MAP3K10: variants seen among roughly 807,000 people sequenced by gnomAD.
MAP3K10 encodes the protein mitogen-activated protein kinase kinase kinase 10.
MAP3K10 carries 22 observed loss-of-function variants against 75.0 expected under a neutral mutation model. The ratio of observed to expected loss-of-function variants is 0.29; its 90% confidence interval spans 0.21 to 0.42. The LOEUF (loss-of-function observed/expected upper bound fraction) is 0.42, where lower values mean the gene tolerates loss of function less well. Ranked by LOEUF, MAP3K10 falls within the 10% of genes least tolerant of loss-of-function variation. The pLI, the probability that MAP3K10 is intolerant of heterozygous loss-of-function variation, is 1.00. For synonymous variants in MAP3K10, 599 were observed against 612.9 expected (o/e 0.98, Z 0.34); for missense variants, 1,165 against 1,379.8 (o/e 0.84, Z 2.47).
chr19:40,213,790 G>T lies in MAP3K10; in HGVS notation c.2111G>T (p.Arg704Leu). 1 of 1,253,270 alleles carries T rather than the reference G, an allele frequency of 8.0e-7. No homozygotes were observed. The highest frequency in any genetic ancestry group is 1.9e-5 in the South Asian group (1 of 52,184). The allele number at this position is 1,253,270 out of a possible 1,614,324, so 77.6% of individuals were successfully genotyped here. ...GCGGCCGACGGTGAGGAGCAGCGGC[G>T]CTGGCTCGACGGCCTCTTCTTTCCC... ...ARAADGEEQRRWLDGLFFPRA... is the reference protein window; with the variant it reads ...ARAADGEEQRLWLDGLFFPRA... Residue 704 changes from arginine (R) to leucine (L), a missense_variant, in exon 9 of 10, where the codon CGC (arginine) becomes CTC (leucine). By Grantham distance (102) the Arg-to-Leu change is moderately radical. Transcript: ENST00000253055. The surrounding 1 kb of genome is among the most constrained non-coding windows in gnomAD (Gnocchi z 5.7).
rs774028501 is a variant in MAP3K10 at position 40,213,152 on chromosome 19, C to T, written c.1801C>T (p.Pro601Ser). The change falls in exon 8 of 10, where the codon CCC becomes TCC. Residue 601 changes from proline (P) to serine (S), a missense_variant. Coordinates refer to ENST00000253055, the MANE Select transcript of MAP3K10 (RefSeq NM_002446.4). This position sits in a 1 kb window ranked among gnomAD's most constrained non-coding sequence, Gnocchi z 5.7. Reference sequence around the variant, plus strand: ...CCTGGGCAAGTCCCCCAAACACACACCCATCGCCCCTGGCTTTGCCAGCCT... The same window carrying T: ...CCTGGGCAAGTCCCCCAAACACACATCCATCGCCCCTGGCTTTGCCAGCCT... ...PNLGKSPKHT[P>S]IAPGFASLNE... 7 of 1,596,396 alleles carry T rather than the reference C, an allele frequency of 4.4e-6. 1 individual carries two copies. In the South Asian group the frequency reaches 8.0e-5, roughly 18 times the overall value.
intron 6 of MAP3K10, among the ~76,000 whole-genome samples, chr19:40,211,540 C>G (rs1973241189): frequency 6.6e-6 from 1 of 151,254 alleles, no homozygotes; most frequent in South Asian, 2.1e-4. Context: ...ACCCTACCCC[C>G]CAACAGGCCC....
At chr19:40,193,459 G>A (rs1972853281) in intron 1 of MAP3K10, among the ~76,000 whole-genome samples, 1 of 152,244 alleles carries the variant, frequency 6.6e-6, no homozygotes, top group Non-Finnish European at 1.5e-5. Context: ...GAGCCAGGTA[G>A]AAGGGAACAT....
intron 2 of MAP3K10, among the ~76,000 whole-genome samples, chr19:40,199,807 C>A (rs544281354): frequency 2.0e-5 from 3 of 151,620 alleles, no homozygotes; most frequent in African/African-American, 7.3e-5. Context: ...TGTAGTGAGA[C>A]CCCATGTATA....
At position 40,192,316 on chromosome 19, in the gene MAP3K10, C is replaced by A. The variant is rs1341869847; in HGVS notation, c.285C>A (p.Phe95Leu). 2.2e-5 allele frequency: 36 copies of A among 1,608,026 alleles called. No individual in the cohort carries two copies. The highest frequency in any genetic ancestry group is 2.9e-5 in the Non-Finnish European group (34 of 1,177,944). ...TCCAGCTGCCCCAGGAGATCCCCTT[C>A]CACGAGCTGCAGCTAGAGGAGATCA... The part of the protein sequence containing the change: ...AGLQLPQEIP[F>L]HELQLEEIIG... The change falls in exon 1 of 10, where the codon TTC becomes TTA. Residue 95 changes from phenylalanine (F) to leucine (L), a missense_variant. Coordinates refer to ENST00000253055, the MANE Select transcript of MAP3K10 (RefSeq NM_002446.4). The surrounding 1 kb of genome is among the most constrained non-coding windows in gnomAD (Gnocchi z 7.1).
Position 40,205,599 on chromosome 19 carries a change from G to A in MAP3K10, c.1188+303G>A, listed in dbSNP as rs190778822. ...GGGGATACAAGATTCGCAAAGCATA[G>A]GTAATTGTTGAAATTGGATGATGGG... is the stretch of plus-strand genomic sequence containing the variant. On this transcript the variant is annotated intron_variant, in intron 4 of 9. Coordinates refer to ENST00000253055, the MANE Select transcript of MAP3K10 (RefSeq NM_002446.4). The surrounding 1 kb of genome is among the most constrained non-coding windows in gnomAD (Gnocchi z 4.3). 9.1e-5 allele frequency: 49 copies of A among 536,928 alleles called. No individual in the cohort carries two copies. In the East Asian group the frequency reaches 1.4e-3, roughly 16 times the overall value. The allele number at this position is 536,928 out of a possible 1,614,324, so 33.3% of individuals were successfully genotyped here. A position where few individuals can be genotyped will look rare whatever the true frequency, so the allele number is the denominator to read the frequency against.
At position 40,212,660 on chromosome 19, in the gene MAP3K10, T is replaced by C. The variant is rs1165091204; in HGVS notation, c.1553-145T>C. 8.2e-6 allele frequency: 8 copies of C among 977,502 alleles called. No homozygotes were observed. The highest frequency in any genetic ancestry group is 1.0e-5 in the Non-Finnish European group (7 of 666,826). 60.6% of individuals were successfully genotyped at this position (977,502 alleles called of 1,614,324 possible). A position where few individuals can be genotyped will look rare whatever the true frequency, so the allele number is the denominator to read the frequency against. ...AGCAGTAGGGGGCTATGGGGAGATA[T>C]ATAGCAGGGAGGGTCATGACTGGAG... On this transcript the variant is annotated intron_variant, in intron 6 of 9. Transcript: ENST00000253055. The surrounding 1 kb of genome is among the most constrained non-coding windows in gnomAD (Gnocchi z 4.2).
chr19:40,197,817 G>T lies in MAP3K10; in HGVS notation c.683-558G>T, dbSNP rs571164851. 2.0e-5 allele frequency among the ~76,000 whole-genome samples: 3 copies of T among 150,968 alleles called. No individual in the cohort carries two copies. In the South Asian group the frequency reaches 6.4e-4, roughly 32 times the overall value. On this transcript the variant is annotated intron_variant, in intron 1 of 9. Transcript: ENST00000253055. ...GGTAGCTGGGAACTCAAGGCCTGGA[G>T]GACTAAGGCCTTGGCTGTTGTTTCT...
At position 40,205,036 on chromosome 19, in the gene MAP3K10, G is replaced by T; in HGVS notation, c.1013-85G>T. ...TTTGTCTGCCATCCCCAGAAATTCT[G>T]CCTTCCTCTGAGCAGGCTGAGTCCC... On this transcript the variant is annotated intron_variant, in intron 3 of 9. Transcript: ENST00000253055. The surrounding 1 kb of genome is among the most constrained non-coding windows in gnomAD (Gnocchi z 4.3). The T allele has an allele frequency of 1.6e-6, 2 of 1,256,876 alleles. No individual in the cohort carries two copies. Among genetic ancestry groups the T allele is most frequent in the South Asian group, 1.3e-5 (1 of 77,694 alleles). The allele number at this position is 1,256,876 out of a possible 1,614,324, so 77.9% of individuals were successfully genotyped here. A position where few individuals can be genotyped will look rare whatever the true frequency, so the allele number is the denominator to read the frequency against.
chr19:40,198,615 G>A lies in MAP3K10; in HGVS notation c.863+60G>A, dbSNP rs1247420040. 6.6e-6 allele frequency: 10 copies of A among 1,506,284 alleles called. No homozygotes were observed. The highest frequency in any genetic ancestry group is 5.5e-5 in the African/African-American group (4 of 72,196). The allele number at this position is 1,506,284 out of a possible 1,614,324, so 93.3% of individuals were successfully genotyped here. A position where few individuals can be genotyped will look rare whatever the true frequency, so the allele number is the denominator to read the frequency against. ...AGTAAGGGAGGGAGGAAGGGGTGAGGGCAGAGTGGGAGGGAGGGTCTCCTG... is the reference window on the plus strand; with the variant it reads ...AGTAAGGGAGGGAGGAAGGGGTGAGAGCAGAGTGGGAGGGAGGGTCTCCTG... On this transcript the variant is annotated intron_variant, in intron 2 of 9. Transcript: ENST00000253055. The surrounding 1 kb of genome is among the most constrained non-coding windows in gnomAD (Gnocchi z 4.3).
In MAP3K10 at chr19:40,204,716, A is replaced by G; in HGVS notation, c.1012+83A>G. 6.7e-7 allele frequency: 1 copy of G among 1,488,232 alleles called. No homozygotes were observed. The highest frequency in any genetic ancestry group is 1.4e-5 in the African/African-American group (1 of 72,280). The allele number at this position is 1,488,232 out of a possible 1,614,324, so 92.2% of individuals were successfully genotyped here. On this transcript the variant is annotated intron_variant, in intron 3 of 9. Transcript: ENST00000253055. This position sits in a 1 kb window ranked among gnomAD's most constrained non-coding sequence, Gnocchi z 4.3. ...GCCCAGACCTTTCCCCTTCACACCT[A>G]TCCATACCAGTGGGCCCAGGAGTGA...
In MAP3K10 at chr19:40,215,364, C is replaced by A; in HGVS notation, c.*72C>A. On this transcript the variant is annotated 3_prime_UTR_variant, in exon 10 of 10. Transcript: ENST00000253055. ...CAGGCCCTGCCCCAGCCCGCCATGC[C>A]ACAAGGTGGGGGAGGCCCTGGGCAG... is the stretch of plus-strand genomic sequence containing the variant. 1 of 1,383,598 alleles carries A rather than the reference C, an allele frequency of 7.2e-7. No individual in the cohort carries two copies. The highest frequency in any genetic ancestry group is 9.8e-7 in the Non-Finnish European group (1 of 1,020,890). The allele number at this position is 1,383,598 out of a possible 1,614,324, so 85.7% of individuals were successfully genotyped here.
In MAP3K10 at chr19:40,204,991, C is replaced by T. The variant is rs1973090547; in HGVS notation, c.1013-130C>T. On this transcript the variant is annotated intron_variant, in intron 3 of 9. Transcript: ENST00000253055. This position sits in a 1 kb window ranked among gnomAD's most constrained non-coding sequence, Gnocchi z 4.3. ...AGGAGCTTGGCTTTGAATCCCTTCC[C>T]CTCAGCTCCATAGCAGCTGTTTGTC... The T allele has an allele frequency of 1.2e-6, 1 of 856,714 alleles. No individual in the cohort carries two copies. Among genetic ancestry groups the T allele is most frequent in the Admixed American group, 2.0e-5 (1 of 49,846 alleles). The allele number at this position is 856,714 out of a possible 1,614,324, so 53.1% of individuals were successfully genotyped here. A position where few individuals can be genotyped will look rare whatever the true frequency, so the allele number is the denominator to read the frequency against.
chr19:40,192,018 C>G lies in MAP3K10; in HGVS notation c.-14C>G. The G allele has an allele frequency of 7.1e-7, 1 of 1,410,576 alleles. No individual in the cohort carries two copies. The highest frequency in any genetic ancestry group is 9.2e-7 in the Non-Finnish European group (1 of 1,086,372). 87.4% of individuals were successfully genotyped at this position (1,410,576 alleles called of 1,614,324 possible). A position where few individuals can be genotyped will look rare whatever the true frequency, so the allele number is the denominator to read the frequency against. On this transcript the variant is annotated 5_prime_UTR_variant, in exon 1 of 10. Transcript: ENST00000253055. This position sits in a 1 kb window ranked among gnomAD's most constrained non-coding sequence, Gnocchi z 7.1. ...TGTGTGAAGCGGCCTCCCGCAGCCC[C>G]CGGCCCCTCCCCCATGGAGGAGGAG...
rs867119302 is a variant in MAP3K10, at chr19:40,191,912, C to T, written c.-120C>T. On this transcript the variant is annotated 5_prime_UTR_variant, in exon 1 of 10. Coordinates refer to ENST00000253055, the MANE Select transcript of MAP3K10 (RefSeq NM_002446.4). ...CTGCGGAGGGCGCCCCAGCCATGGC[C>T]CTCAGGAGCTCCCTAGACCCCGCAG... The T allele has an allele frequency of 5.6e-5, 32 of 575,248 alleles. No homozygotes were observed. In the Middle Eastern group the frequency reaches 1.9e-3, roughly 34 times the overall value. 35.6% of individuals were successfully genotyped at this position (575,248 alleles called of 1,614,324 possible).
Position 40,191,942 on chromosome 19 carries a change from T to C in MAP3K10, c.-90T>C. 1.2e-6 allele frequency: 1 copy of C among 849,440 alleles called. No individual in the cohort carries two copies. Among genetic ancestry groups the C allele is most frequent in the Non-Finnish European group, 1.7e-6 (1 of 586,560 alleles). 52.6% of individuals were successfully genotyped at this position (849,440 alleles called of 1,614,324 possible). ...GGAGCTCCCTAGACCCCGCAGGGAC[T>C]GCCCTCCATCCCGGCCGCCGGGGCC... On this transcript the variant is annotated 5_prime_UTR_variant, in exon 1 of 10. Transcript: ENST00000253055.
chr19:40,206,129 A>G lies in MAP3K10; in HGVS notation c.1407A>G (p.Glu469=), dbSNP rs770974520. The change falls in exon 5 of 10, where the codon GAA becomes GAG. Residue 469 remains glutamate (E), a synonymous_variant. Coordinates refer to ENST00000253055, the MANE Select transcript of MAP3K10 (RefSeq NM_002446.4). ...GCAGCCGCCTGCTCAAGCTGCGGGA[A>G]GGCGGCAGCCACATCAGCCTGCCCT... ...FKRSRLLKLR[E]GGSHISLPSG... is the part of the protein sequence containing the mutation. The G allele has an allele frequency of 1.9e-6, 3 of 1,609,886 alleles. No individual in the cohort carries two copies. Among genetic ancestry groups the G allele is most frequent in the South Asian group, 2.2e-5 (2 of 90,872 alleles).
Position 40,192,064 on chromosome 19 carries a change from G to C in MAP3K10, c.33G>C (p.Glu11Asp), listed in dbSNP as rs1158601106. 1 of 1,473,846 alleles carries C rather than the reference G, an allele frequency of 6.8e-7. No homozygotes were observed. The highest frequency in any genetic ancestry group is 9.0e-7 in the Non-Finnish European group (1 of 1,114,496). The allele number at this position is 1,473,846 out of a possible 1,614,324, so 91.3% of individuals were successfully genotyped here. A position where few individuals can be genotyped will look rare whatever the true frequency, so the allele number is the denominator to read the frequency against. The stretch of plus-strand genomic sequence containing the variant: ...AGGAGGAGGGGGCGGTGGCCAAGGA[G>C]TGGGGCACGACCCCCGCGGGGCCCG... MEEEEGAVAK[E>D]WGTTPAGPVW... Residue 11 changes from glutamate to aspartate, a missense_variant, in exon 1 of 10, where the codon GAG (glutamate) becomes GAC (aspartate). Glu to Asp is a conservative substitution (Grantham distance 45). Around this residue, in one of 2 missense-constraint regions of MAP3K10, gnomAD observed 575 missense variants for 793.2 expected, o/e 0.72. Transcript: ENST00000253055. This position sits in a 1 kb window ranked among gnomAD's most constrained non-coding sequence, Gnocchi z 7.1.
rs1973292518 is a variant in MAP3K10, at chr19:40,213,887, C to T, written c.2208C>T (p.Pro736=). The change falls in exon 9 of 10, where the codon CCC becomes CCT. Residue 736 remains proline, a synonymous_variant. Coordinates refer to ENST00000253055, the MANE Select transcript of MAP3K10 (RefSeq NM_002446.4). This position sits in a 1 kb window ranked among gnomAD's most constrained non-coding sequence, Gnocchi z 5.7. Reference sequence around the variant, plus strand: ...ACGGCCGCCGCGAAGACGTGGGCCCCGGCCTGGGCCTGGCGCCCTCGGCCA... The same window carrying T: ...ACGGCCGCCGCGAAGACGTGGGCCCTGGCCTGGGCCTGGCGCCCTCGGCCA... ...RPHGRREDVG[P]GLGLAPSATL... 12 of 1,475,718 alleles carry T rather than the reference C, an allele frequency of 8.1e-6. No homozygotes were observed. Among genetic ancestry groups the T allele is most frequent in the Non-Finnish European group, 9.8e-6 (11 of 1,120,134 alleles). The allele number at this position is 1,475,718 out of a possible 1,614,324, so 91.4% of individuals were successfully genotyped here.
Sources: gnomAD v4.1 joint callset for allele counts (sites outside exome capture counted in the v4.1 genomes callset) on GRCh38, gnomAD v4.1.1 for gene constraint, gnomAD v4.1.1 regional missense constraint, Gnocchi (gnomAD v3.1) non-coding constraint, MANE v1.5 for transcripts, NCBI Gene and HGNC (gene_info 2026-07-23, HGNC 2026-07-21) for gene names.